FTCD: variants seen among roughly 807,000 people sequenced by gnomAD.
The protein encoded by FTCD is formimidoyltransferase-cyclodeaminase.
FTCD carries 76 observed loss-of-function variants against 62.9 expected under a neutral mutation model. The observed-to-expected ratio is 1.21, with a 90% CI of 1.00 to 1.46. The LOEUF is 1.46. FTCD is among the 40% of genes most tolerant of loss of function. The pLI, the probability that FTCD is intolerant of heterozygous loss-of-function variation, is 0.00. For missense variants in FTCD, 845 were observed against 751.3 expected (o/e 1.12, Z -1.46); for synonymous variants, 397 against 336.9 (o/e 1.18, Z -1.95).
chr21:46,138,486 G>A (rs1477361749), intron 12 of FTCD, 22 bp downstream of exon 12: 1 of 1,572,250 alleles, frequency 6.4e-7, no homozygotes, highest in Non-Finnish European at 8.6e-7. Context: ...CAGGAGGCCT[G>A]GGGTCCCCCG....
In FTCD at chr21:46,152,890, C is replaced by CA. The variant is rs1555884818; in HGVS notation, c.367+16_367+17insT. On this transcript the variant is annotated intron_variant, in intron 3 of 13. Transcript: ENST00000397746. ...TGAGACGGGAGCAGAGTGAGGGGGGCGGGGGGGCACGCTCACCTGGCACGT... is the reference window on the plus strand; with the variant it reads ...TGAGACGGGAGCAGAGTGAGGGGGGCAGGGGGGGCACGCTCACCTGGCACGT... 6.7e-5 allele frequency: 60 copies of CA among 900,220 alleles called. No homozygotes were observed. The East Asian group carries it at 2.6e-3, about 40-fold the overall frequency. The allele number at this position is 900,220 out of a possible 1,614,324, so 55.8% of individuals were successfully genotyped here.
chr21:46,145,174 C>T (rs1312923448), intron 10 of FTCD, among the ~76,000 whole-genome samples: 10 of 152,200 alleles, frequency 6.6e-5, no homozygotes, highest in Non-Finnish European at 1.2e-4. Flanking sequence ...GTACCGGCTG[C>T]CATGGCCTGT....
intron 1 of FTCD, 114 bp from the exon 2 acceptor site, chr21:46,154,446 C>T: frequency 7.9e-7 from 1 of 1,267,214 alleles, no homozygotes; most frequent in South Asian, 1.3e-5. Context: ...GCGGGCCAAG[C>T]CTTTGGGGGC....
At chr21:46,139,342 C>T (rs906649809) in intron 10 of FTCD, among the ~76,000 whole-genome samples, 1 of 152,314 alleles carries the variant, frequency 6.6e-6, no homozygotes. Flanking sequence ...AAGAGCAAAC[C>T]TCAAAGCCCC....
At chr21:46,148,538 G>T (rs905169088) in intron 7 of FTCD, among the ~76,000 whole-genome samples, 3 of 152,162 alleles carry the variant, frequency 2.0e-5, no homozygotes, top group African/African-American at 7.2e-5. Context: ...AAGATCACCT[G>T]AGCCCTGGAG....
chr21:46,153,140 G>C, intron 2 of FTCD, 105 bp from the exon 3 acceptor site: 1 of 1,224,720 alleles, frequency 8.2e-7, no homozygotes. Flanking sequence ...GCAGCCCCCA[G>C]TCCACACACC....
At chr21:46,137,151 A>AC in intron 13 of FTCD, 78 bp from the exon 14 acceptor site, 1 of 1,594,130 alleles carries the variant, frequency 6.3e-7, no homozygotes, top group Non-Finnish European at 8.6e-7. Context: ...TCCGACCCCC[A>AC]CTGCCCACAG....
At chr21:46,139,981 G>T (rs1407240789) in intron 10 of FTCD, among the ~76,000 whole-genome samples, 1 of 152,234 alleles carries the variant, frequency 6.6e-6, no homozygotes, top group East Asian at 1.9e-4. Flanking sequence ...TGCCCGCCCG[G>T]TCCGTTTTGT....
In FTCD at chr21:46,137,208, G is replaced by C. The variant is rs377363065; in HGVS notation, c.1539+31C>G. 19 of 1,582,672 alleles carry C rather than the reference G, an allele frequency of 1.2e-5. No homozygotes were observed. In the South Asian group the frequency reaches 1.2e-4, roughly 10 times the overall value. On this transcript the variant is annotated intron_variant, in intron 13 of 13. Transcript: ENST00000397746. ...GCTGTGAATCCAGGCCCCCACGTGG[G>C]GTCCGGGCACCACACCTGCCTCCTG...
chr21:46,148,239 C>A (rs114117063), intron 7 of FTCD, among the ~76,000 whole-genome samples: 1 of 152,096 alleles, frequency 6.6e-6, no homozygotes, highest in Non-Finnish European at 1.5e-5. Context: ...TGGCAAGTGA[C>A]GGGTCCACGT....
chr21:46,154,718 T>TG (rs1395399496), intron 1 of FTCD, among the ~76,000 whole-genome samples: 2 of 152,140 alleles, frequency 1.3e-5, no homozygotes, highest in Admixed American at 1.3e-4. Flanking sequence ...ATCACCAGCA[T>TG]GGGGGAGGGG....
intron 10 of FTCD, 40 bp from the exon 11 acceptor site, chr21:46,138,963 G>C: frequency 6.5e-7 from 1 of 1,543,322 alleles, no homozygotes; most frequent in Non-Finnish European, 9.0e-7. Flanking sequence ...AGGGACCGTA[G>C]GGGGAGCAGC....
intron 10 of FTCD, 93 bp from the exon 11 acceptor site, chr21:46,139,016 G>T: frequency 1.0e-6 from 1 of 958,304 alleles, no homozygotes; most frequent in Non-Finnish European, 1.7e-6. Flanking sequence ...CAAGGAGCAT[G>T]TCCCAGGCAG....
chr21:46,151,680 C>A lies in FTCD; in HGVS notation c.514G>T (p.Gly172Trp), dbSNP rs1425787339. 3.7e-6 allele frequency: 6 copies of A among 1,613,026 alleles called. No individual in the cohort carries two copies. The highest frequency in any genetic ancestry group is 5.1e-6 in the Non-Finnish European group (6 of 1,179,970). Residue 172 changes from glycine to tryptophan, a missense_variant, in exon 5 of 14, where the codon GGG becomes TGG. Physicochemically the swap from Gly to Trp is radical, Grantham distance 184. Coordinates refer to ENST00000397746, the MANE Select transcript of FTCD (RefSeq NM_206965.2). ...TTCCTCGCCCCCGTGGCCGTGGCCC[C>A]CCAACTGGGGACAAAGGAGCTGGGA... ...FGPSSFVPSW[G>W]ATATGARKFL...
At chr21:46,145,261 G>A (rs1468243456) in intron 10 of FTCD, among the ~76,000 whole-genome samples, 156 bp downstream of exon 10, 1 of 152,214 alleles carries the variant, frequency 6.6e-6, no homozygotes, top group East Asian at 1.9e-4. Flanking sequence ...CGGTGCTGGT[G>A]GTCAAGGTCC....
intron 10 of FTCD, among the ~76,000 whole-genome samples, chr21:46,143,122 T>C (rs1224164029): frequency 1.3e-5 from 2 of 152,166 alleles, no homozygotes; most frequent in Non-Finnish European, 2.9e-5. Context: ...TCATCTTGGC[T>C]CCCTCTGTGC....
chr21:46,150,559 G>C (rs1188301976), intron 5 of FTCD, 34 bp from the exon 6 acceptor site: 2 of 1,611,954 alleles, frequency 1.2e-6, no homozygotes, highest in Non-Finnish European at 1.7e-6. Context: ...GCCTGGACTA[G>C]GAAGCTCATC....
Position 46,154,197 on chromosome 21 carries a change from TGAG to T in FTCD, c.187_189del (p.Leu63del), listed in dbSNP as rs772150355. On this transcript the variant is annotated inframe_deletion, in exon 2 of 14. Coordinates refer to ENST00000397746, the MANE Select transcript of FTCD (RefSeq NM_206965.2). ...AGTCGGGAAGCTACCCGGGCAGCGT[TGAG>T]GGCCCCCTCCACCACGCACTCCGGC... 11 of 1,612,768 alleles carry T rather than the reference TGAG, an allele frequency of 6.8e-6. No homozygotes were observed. The East Asian group carries it at 2.0e-4, about 29-fold the overall frequency.
chr21:46,152,845 G>A, intron 3 of FTCD, 62 bp downstream of exon 3: 1 of 1,359,600 alleles, frequency 7.4e-7, no homozygotes, highest in Non-Finnish European at 1.0e-6. Flanking sequence ...GATACAGAAG[G>A]AGCCAATAAC....
Sources: allele counts gnomAD v4.1 joint callset (sites outside exome capture counted in the v4.1 genomes callset), GRCh38; gene constraint gnomAD v4.1.1; transcripts MANE v1.5; gene names NCBI Gene and HGNC (gene_info 2026-07-23, HGNC 2026-07-21).